SNW1: variants seen among roughly 807,000 people sequenced by gnomAD.
The protein encoded by SNW1 is SNW domain containing 1.
A neutral mutation model predicts 75.6 loss-of-function variants in SNW1; 9 were observed. The observed-to-expected ratio is 0.12, with a 90% CI of 0.07 to 0.21. The LOEUF (loss-of-function observed/expected upper bound fraction) is 0.21, where lower values mean the gene tolerates loss of function less well. Among genes scored for constraint, SNW1 ranks in the 10% least tolerant of loss-of-function variants. The pLI is 1.00. For synonymous variants in SNW1, 200 were observed against 219.1 expected (o/e 0.91, Z 0.77); for missense variants, 409 against 670.9 (o/e 0.61, Z 4.31).
At chr14:77,735,714 C>T (rs938972305) in intron 7 of SNW1, among the ~76,000 whole-genome samples, 1 of 152,208 alleles carries the variant, frequency 6.6e-6, no homozygotes, top group African/African-American at 2.4e-5. Context: ...ACAGCAGACC[C>T]TGTCCATTCC....
Position 77,760,858 on chromosome 14 carries a change from C to T in SNW1, c.14+256G>A, listed in dbSNP as rs558972971. 2.3e-5 allele frequency: 18 copies of T among 790,066 alleles called. 1 individual carries two copies. In the Admixed American group the frequency reaches 2.8e-4, roughly 12 times the overall value. 48.9% of individuals were successfully genotyped at this position (790,066 alleles called of 1,614,324 possible). A position where few individuals can be genotyped will look rare whatever the true frequency, so the allele number is the denominator to read the frequency against. On this transcript the variant is annotated intron_variant, in intron 1 of 13. Coordinates refer to ENST00000261531, the MANE Select transcript of SNW1 (RefSeq NM_012245.3). The stretch of plus-strand genomic sequence containing the variant: ...GCAAGATGCTCACGCGAAAAACCCA[C>T]TCTTCAGTGTCTGAGACCACTCCGC...
In SNW1 at chr14:77,735,916, T is replaced by C. The variant is rs200326585; in HGVS notation, c.708+21A>G. On this transcript the variant is annotated intron_variant, in intron 7 of 13. Coordinates refer to ENST00000261531, the MANE Select transcript of SNW1 (RefSeq NM_012245.3). The stretch of plus-strand genomic sequence containing the variant: ...ATAACCATGAGTAGAAAAAAATATT[T>C]TGGACTACAGCAAAGAATACCTTTC... 4.2e-5 allele frequency: 68 copies of C among 1,603,696 alleles called. No individual in the cohort carries two copies. In the East Asian group the frequency reaches 1.5e-3, roughly 35 times the overall value.
At chr14:77,735,125 G>A (rs887329161) in intron 7 of SNW1, 113 bp from the exon 8 acceptor site, 40 of 641,208 alleles carry the variant, frequency 6.2e-5, no homozygotes, top group East Asian at 2.7e-5. Context: ...ATGCACAGCC[G>A]TAGTAAAAGG....
At chr14:77,759,591 C>G (rs2080869622) in intron 1 of SNW1, among the ~76,000 whole-genome samples, 1 of 152,106 alleles carries the variant, frequency 6.6e-6, no homozygotes, top group Non-Finnish European at 1.5e-5. Context: ...CCACCTTTTC[C>G]ACAAAGTCTC....
At chr14:77,729,364 C>A (rs1470805031) in intron 10 of SNW1, among the ~76,000 whole-genome samples, 1 of 152,116 alleles carries the variant, frequency 6.6e-6, no homozygotes, top group Non-Finnish European at 1.5e-5. Context: ...TCCACCTAAT[C>A]CACAAACAAA....
At chr14:77,745,699 T>C (rs921554273) in intron 3 of SNW1, among the ~76,000 whole-genome samples, 4 of 151,874 alleles carry the variant, frequency 2.6e-5, no homozygotes, top group African/African-American at 9.7e-5. Flanking sequence ...AAAGCAAGAT[T>C]TGGTCTCAGA....
chr14:77,741,038 A>G (rs1444468656), intron 3 of SNW1, among the ~76,000 whole-genome samples: 17 of 148,796 alleles, frequency 1.1e-4, no homozygotes. Flanking sequence ...CGGAGGTGAC[A>G]GTGAGCCGAG....
intron 7 of SNW1, among the ~76,000 whole-genome samples, 174 bp downstream of exon 7, chr14:77,735,763 C>A (rs574737392): frequency 6.6e-6 from 1 of 152,162 alleles, no homozygotes; most frequent in Non-Finnish European, 1.5e-5. Context: ...ACAAAACTTA[C>A]AGCTAACATG....
rs2080650225 is a variant in SNW1 at position 77,734,062 on chromosome 14, C to A, written c.774+885G>T. The A allele has an allele frequency of 1.3e-5, 3 of 225,936 alleles. 1 individual carries two copies. The South Asian group carries it at 1.4e-4, about 11-fold the overall frequency. 14.0% of individuals were successfully genotyped at this position (225,936 alleles called of 1,614,324 possible). The stretch of plus-strand genomic sequence containing the variant: ...TTTGTTTAGGGTGAGTATATAAATT[C>A]TCTTAAGAAACCTGAAATGGTCTTC... On this transcript the variant is annotated intron_variant, in intron 8 of 13. Transcript: ENST00000261531.
intron 3 of SNW1, among the ~76,000 whole-genome samples, chr14:77,739,524 C>G (rs2080699889): frequency 6.6e-6 from 1 of 151,904 alleles, no homozygotes; most frequent in Non-Finnish European, 1.5e-5. Context: ...CTTCTCTTTT[C>G]TGCCATCAAC....
chr14:77,752,782 C>A (rs770781288), intron 2 of SNW1, among the ~76,000 whole-genome samples: 1 of 152,130 alleles, frequency 6.6e-6, no homozygotes, highest in Non-Finnish European at 1.5e-5. Flanking sequence ...TTTTACAAGA[C>A]CTCTTTAAGT....
At chr14:77,737,231 G>A (rs2080680129) in intron 5 of SNW1, among the ~76,000 whole-genome samples, 156 bp from the exon 6 acceptor site, 1 of 152,208 alleles carries the variant, frequency 6.6e-6, no homozygotes, top group Admixed American at 6.5e-5. Context: ...CAGACAGCAA[G>A]AGGGATAAAA....
intron 2 of SNW1, among the ~76,000 whole-genome samples, chr14:77,752,981 G>T (rs964013753): frequency 6.6e-6 from 1 of 150,934 alleles, no homozygotes; most frequent in Non-Finnish European, 1.5e-5. Flanking sequence ...CACATGCTTG[G>T]ATTTGCTAGA....
intron 7 of SNW1, among the ~76,000 whole-genome samples, chr14:77,735,582 C>T (rs751346630): frequency 1.2e-4 from 19 of 152,008 alleles, no homozygotes; most frequent in African/African-American, 4.4e-4. Context: ...CACGCCCGGC[C>T]GATGTGACTT....
chr14:77,757,060 T>C (rs1308895054), intron 1 of SNW1, among the ~76,000 whole-genome samples: 2 of 152,170 alleles, frequency 1.3e-5, no homozygotes, highest in Non-Finnish European at 2.9e-5. Flanking sequence ...GATGGATGAA[T>C]ATGGAGAAAA....
chr14:77,718,601 T>C, intron 12 of SNW1, 71 bp from the exon 13 acceptor site: 1 of 1,019,832 alleles, frequency 9.8e-7, no homozygotes, highest in Non-Finnish European at 1.5e-6. Context: ...ATAACATGTT[T>C]ACAGTAAACC....
At chr14:77,745,751 C>T (rs1461667141) in intron 3 of SNW1, among the ~76,000 whole-genome samples, 1 of 151,392 alleles carries the variant, frequency 6.6e-6, no homozygotes, top group Non-Finnish European at 1.5e-5. Flanking sequence ...TGGCTAGGTG[C>T]AGTGGCACAC....
intron 2 of SNW1, 150 bp from the exon 3 acceptor site, chr14:77,751,630 T>A: frequency 1.9e-6 from 1 of 530,706 alleles, no homozygotes; most frequent in Non-Finnish European, 3.1e-6. Context: ...GTTTACATTC[T>A]AGTAGGCAAA....
At chr14:77,735,492 A>G (rs1026999849) in intron 7 of SNW1, among the ~76,000 whole-genome samples, 2 of 152,174 alleles carry the variant, frequency 1.3e-5, no homozygotes, top group African/African-American at 4.8e-5. Context: ...CATGTTGGTC[A>G]GGCCGGTCTT....
Sources: gnomAD v4.1 joint callset for allele counts (sites outside exome capture counted in the v4.1 genomes callset) on GRCh38, gnomAD v4.1.1 for gene constraint, MANE v1.5 for transcripts, NCBI Gene and HGNC (gene_info 2026-07-23, HGNC 2026-07-21) for gene names.